The following SVEP1 variants were observed in gnomAD, a reference collection of about 807,000 sequenced individuals.
SVEP1 encodes sushi, von Willebrand factor type A, EGF and pentraxin domain containing 1.
A neutral mutation model predicts 367.3 loss-of-function variants in SVEP1; 164 were observed. The ratio of observed to expected loss-of-function variants is 0.45; its 90% CI spans 0.39 to 0.51. The LOEUF (loss-of-function observed/expected upper bound fraction) is 0.51. Among genes scored for constraint, SVEP1 ranks in the 20% least tolerant of loss-of-function variants. SVEP1 has a pLI of 0.00. For missense variants in SVEP1, 4,117 were observed against 4,425.3 expected (o/e 0.93, Z 1.98); for synonymous variants, 1,666 against 1,611.6 (o/e 1.03, Z -0.81).
rs986919123 is a variant in SVEP1 at position 110,434,242 on chromosome 9, G to C, written c.5059+94C>G. The C allele has an allele frequency of 6.5e-5, 86 of 1,328,610 alleles. No homozygotes were observed. The African/African-American group carries it at 1.2e-3, about 18-fold the overall frequency. The allele number at this position is 1,328,610 out of a possible 1,614,324, so 82.3% of individuals were successfully genotyped here. On this transcript the variant is annotated intron_variant, in intron 30 of 47. Coordinates refer to ENST00000374469, the MANE Select transcript of SVEP1 (RefSeq NM_153366.4). The stretch of plus-strand genomic sequence containing the variant: ...GAATATTTGGTATATTTGCTACTGT[G>C]AAGTATTCACTCTTTGTCTAGCATT...
chr9:110,555,190 G>A (rs750773181), intron 1 of SVEP1, among the ~76,000 whole-genome samples: 10 of 150,900 alleles, frequency 6.6e-5, no homozygotes, highest in Non-Finnish European at 1.3e-4. Context: ...TTAAAAACGT[G>A]AGAATTTTCC....
At chr9:110,551,998 C>T (rs1006145830) in intron 1 of SVEP1, among the ~76,000 whole-genome samples, 4 of 142,838 alleles carry the variant, frequency 2.8e-5, no homozygotes, top group Admixed American at 1.4e-4. Context: ...ATAATGACAG[C>T]GGACAATAGA....
intron 3 of SVEP1, among the ~76,000 whole-genome samples, chr9:110,537,874 G>A (rs895087946): frequency 6.6e-6 from 1 of 151,680 alleles, no homozygotes; most frequent in Non-Finnish European, 1.5e-5. Context: ...ATGAGCAAGT[G>A]TTTGAAGATC....
chr9:110,467,817 G>A (rs1828961040), intron 17 of SVEP1, among the ~76,000 whole-genome samples: 1 of 151,710 alleles, frequency 6.6e-6, no homozygotes, highest in African/African-American at 2.4e-5. Flanking sequence ...TGTATTTTTT[G>A]TAGAGACAGG....
chr9:110,478,119 C>A (rs1829125606), intron 13 of SVEP1, among the ~76,000 whole-genome samples: 1 of 152,170 alleles, frequency 6.6e-6, no homozygotes, highest in Non-Finnish European at 1.5e-5. Flanking sequence ...GCCTCAGGGA[C>A]TTTGCACTTG....
chr9:110,504,180 G>C (rs377711387), intron 5 of SVEP1, among the ~76,000 whole-genome samples: 3 of 151,138 alleles, frequency 2.0e-5, no homozygotes, highest in East Asian at 3.9e-4. Flanking sequence ...TCAGCCTCCC[G>C]AGTAGCTGGG....
At chr9:110,424,292 T>C (rs1828219111) in intron 36 of SVEP1, among the ~76,000 whole-genome samples, 1 of 152,178 alleles carries the variant, frequency 6.6e-6, no homozygotes, top group Non-Finnish European at 1.5e-5. Flanking sequence ...GACAAGAAAA[T>C]ACTGTCTATC....
chr9:110,487,814 TTTTG>T (rs1829306185), intron 9 of SVEP1, among the ~76,000 whole-genome samples: 1 of 152,162 alleles, frequency 6.6e-6, no homozygotes, highest in Admixed American at 6.6e-5. Flanking sequence ...TTACTTTTAC[TTTTG>T]GATAAAGAAA....
chr9:110,523,103 C>A (rs1170113618), intron 3 of SVEP1, among the ~76,000 whole-genome samples: 1 of 152,206 alleles, frequency 6.6e-6, no homozygotes, highest in Admixed American at 6.5e-5. Context: ...ATTCAAGTCC[C>A]AGTACAATTT....
At chr9:110,530,372 G>C (rs1286763143) in intron 3 of SVEP1, among the ~76,000 whole-genome samples, 1 of 152,108 alleles carries the variant, frequency 6.6e-6, no homozygotes, top group African/African-American at 2.4e-5. Context: ...TTGGTTGGAC[G>C]TTAGGGACAT....
rs566843619 is a variant in SVEP1, at chr9:110,414,583, C to G, written c.5976-2848G>C. On this transcript the variant is annotated intron_variant, in intron 36 of 47. Coordinates refer to ENST00000374469, the MANE Select transcript of SVEP1 (RefSeq NM_153366.4). ...ACATCTTAGGATAAACTGGCTGGAA[C>G]AAATTTGCATTTTTCTGGAATCGTA... Among the ~76,000 whole-genome samples, 37 of 152,098 alleles carry G rather than the reference C, an allele frequency of 2.4e-4. 2 individuals carry two copies. The highest frequency in any genetic ancestry group is 8.9e-4 in the African/African-American group (37 of 41,404).
chr9:110,432,166 A>C, intron 31 of SVEP1, 132 bp from the exon 32 acceptor site: 1 of 1,097,468 alleles, frequency 9.1e-7, no homozygotes, highest in Non-Finnish European at 1.3e-6. Context: ...GAATTTAAAT[A>C]TAACAGTCAT....
Position 110,512,927 on chromosome 9 carries a change from T to G in SVEP1, c.1302A>C (p.Arg434Ser), listed in dbSNP as rs578022323. Residue 434 changes from arginine to serine, a missense_variant and splice_region_variant, in exon 5 of 48, where the codon AGA (arginine) becomes AGC (serine). Transcript: ENST00000374469. ...AATGTAAATTGGCAGTTTGCATACC[T>G]CTGCAGTAGCTCTCTGAACCGGACC... ...GLWSGSESYC[R>S]VRTCPHLRQP... 1.2e-6 allele frequency: 2 copies of G among 1,614,002 alleles called. No individual in the cohort carries two copies. The highest frequency in any genetic ancestry group is 2.2e-5 in the South Asian group (2 of 91,078).
rs1164485834 is a variant in SVEP1 at position 110,482,356 on chromosome 9, A to G, written c.2170+5T>C. On this transcript the variant is annotated splice_donor_5th_base_variant and intron_variant, in intron 11 of 47. Transcript: ENST00000374469. ...TAGAATTCTGGGGACTTATGAAGAC[A>G]ATACCTTTTATGACAATATGGATAT... 10 of 1,610,770 alleles carry G rather than the reference A, an allele frequency of 6.2e-6. No individual in the cohort carries two copies. Among genetic ancestry groups the G allele is most frequent in the Non-Finnish European group, 5.1e-6 (6 of 1,178,614 alleles).
chr9:110,458,244 G>C lies in SVEP1; in HGVS notation c.3576+227C>G. The C allele has an allele frequency of 3.2e-5, 19 of 601,032 alleles. 1 individual carries two copies. In the South Asian group the frequency reaches 3.5e-4, roughly 11 times the overall value. 37.2% of individuals were successfully genotyped at this position (601,032 alleles called of 1,614,324 possible). A position where few individuals can be genotyped will look rare whatever the true frequency, so the allele number is the denominator to read the frequency against. The stretch of plus-strand genomic sequence containing the variant: ...TGGATCTACTCATTCTTATTGCCAG[G>C]CATTTCTGGGAAAAACTCTCATTTT... On this transcript the variant is annotated intron_variant, in intron 20 of 47. Transcript: ENST00000374469.
At chr9:110,578,991 T>G in intron 1 of SVEP1, 22 bp downstream of exon 1, 1 of 1,542,972 alleles carries the variant, frequency 6.5e-7, no homozygotes, top group Non-Finnish European at 8.7e-7. Context: ...AGGGCCCGGG[T>G]CGGGAGGGGC....
intron 9 of SVEP1, among the ~76,000 whole-genome samples, chr9:110,486,936 C>T (rs1231355112): frequency 1.3e-5 from 2 of 148,628 alleles, no homozygotes; most frequent in Admixed American, 1.3e-4. Flanking sequence ...TGAGCCACCA[C>T]ACCTGGACCT....
intron 18 of SVEP1, among the ~76,000 whole-genome samples, chr9:110,460,014 T>C (rs2118640207): frequency 6.6e-6 from 1 of 152,264 alleles, no homozygotes; most frequent in African/African-American, 2.4e-5. Flanking sequence ...ACTGCTTTCA[T>C]GACCAAGTAA....
intron 46 of SVEP1, among the ~76,000 whole-genome samples, chr9:110,371,816 C>T (rs1827280722): frequency 6.6e-6 from 1 of 152,194 alleles, no homozygotes; most frequent in African/African-American, 2.4e-5. Context: ...GTTGTTTCTC[C>T]AGACTTCACT....
Sources: allele counts gnomAD v4.1 joint callset (sites outside exome capture counted in the v4.1 genomes callset), GRCh38; gene constraint gnomAD v4.1.1; transcripts MANE v1.5; gene names NCBI Gene and HGNC (gene_info 2026-07-23, HGNC 2026-07-21).